The following PPP2R3C variants were observed in gnomAD, a reference collection of about 807,000 sequenced individuals.
PPP2R3C encodes serine/threonine-protein phosphatase 2A regulatory subunit B'' subunit gamma.
A neutral mutation model predicts 63.7 loss-of-function variants in PPP2R3C; 47 were observed. The observed-to-expected ratio is 0.74, with a 90% CI of 0.58 to 0.94. The LOEUF (loss-of-function observed/expected upper bound fraction) is 0.94, where lower values mean the gene tolerates loss of function less well. Among genes scored for constraint, PPP2R3C ranks in the 40% least tolerant of loss-of-function variants. The pLI, the probability that PPP2R3C is intolerant of heterozygous loss-of-function variation, is 0.00. For missense variants in PPP2R3C, 421 were observed against 518.4 expected (o/e 0.81, Z 1.82); for synonymous variants, 180 against 177.4 (o/e 1.01, Z -0.12).
intron 1 of PPP2R3C, among the ~76,000 whole-genome samples, chr14:35,119,837 T>A (rs1229434087): frequency 6.9e-6 from 1 of 144,934 alleles, no homozygotes; most frequent in Non-Finnish European, 1.5e-5. Flanking sequence ...AATAGGAGCA[T>A]GGACAGTTCA....
chr14:35,105,725 G>T (rs1278497353), intron 6 of PPP2R3C, among the ~76,000 whole-genome samples: 1 of 152,114 alleles, frequency 6.6e-6, no homozygotes, highest in East Asian at 1.9e-4. Flanking sequence ...GCTGGAAGGT[G>T]CTAGGCCCTT....
Position 35,096,649 on chromosome 14 carries a change from G to C in PPP2R3C, c.763-16C>G. 1.2e-6 allele frequency: 2 copies of C among 1,611,486 alleles called. No individual in the cohort carries two copies. Among genetic ancestry groups the C allele is most frequent in the Non-Finnish European group, 1.7e-6 (2 of 1,178,968 alleles). On this transcript the variant is annotated splice_polypyrimidine_tract_variant and intron_variant, in intron 8 of 12. Transcript: ENST00000261475. ...CATCCCTTAGCTAATGGAACACAAA[G>C]ACATAATTAGAAGATAGCAACTGTC...
chr14:35,110,981 G>GT (rs2046536701), intron 2 of PPP2R3C, among the ~76,000 whole-genome samples: 1 of 152,082 alleles, frequency 6.6e-6, no homozygotes, highest in African/African-American at 2.4e-5. Context: ...GCTCACACCC[G>GT]TAATCCCAGC....
intron 2 of PPP2R3C, among the ~76,000 whole-genome samples, chr14:35,113,764 T>C (rs2046630860): frequency 6.6e-6 from 1 of 152,186 alleles, no homozygotes; most frequent in Non-Finnish European, 1.5e-5. Flanking sequence ...CCTTGTTGCC[T>C]CTAGCCAGAC....
intron 3 of PPP2R3C, 99 bp from the exon 4 acceptor site, chr14:35,110,030 G>C: frequency 1.2e-6 from 1 of 837,744 alleles, no homozygotes; most frequent in Non-Finnish European, 1.8e-6. Context: ...AGAGTTTGTT[G>C]GCAGAGTCAA....
chr14:35,090,797 ACT>A (rs1444926762), intron 11 of PPP2R3C, among the ~76,000 whole-genome samples: 1 of 147,506 alleles, frequency 6.8e-6, no homozygotes, highest in African/African-American at 2.5e-5. Flanking sequence ...CTCACTGCAA[ACT>A]CTGCCTCCCG....
chr14:35,113,271 AG>A (rs2046617252), intron 2 of PPP2R3C: 2 of 152,532 alleles, frequency 1.3e-5, no homozygotes, highest in Admixed American at 1.3e-4. Flanking sequence ...TCAAGATAAT[AG>A]GTGTTTTCTC....
chr14:35,121,871 A>T, intron 1 of PPP2R3C, 31 bp downstream of exon 1: 1 of 1,612,704 alleles, frequency 6.2e-7, no homozygotes, highest in Non-Finnish European at 8.5e-7. Flanking sequence ...GGGCCGGGCC[A>T]TCCCAACGGG....
chr14:35,116,510 C>CT, intron 2 of PPP2R3C, 100 bp downstream of exon 2: 1 of 913,742 alleles, frequency 1.1e-6, no homozygotes, highest in Non-Finnish European at 1.5e-6. Flanking sequence ...CCGCCTCAGC[C>CT]TCCCAAAGTG....
chr14:35,096,836 T>G, intron 7 of PPP2R3C, 72 bp from the exon 8 acceptor site: 1 of 1,364,392 alleles, frequency 7.3e-7, no homozygotes, highest in Non-Finnish European at 9.8e-7. Flanking sequence ...AAAAAAAAAT[T>G]TTTTTAACAA....
chr14:35,099,619 A>G (rs187156212), intron 6 of PPP2R3C: 17 of 398,316 alleles, frequency 4.3e-5, no homozygotes. Context: ...GATATTGATT[A>G]AAAAGCCTCT....
intron 6 of PPP2R3C, chr14:35,101,642 T>C (rs894582524): frequency 6.6e-6 from 1 of 152,216 alleles, no homozygotes; most frequent in Non-Finnish European, 1.5e-5. Flanking sequence ...TCTTTGCTAA[T>C]TTGATAGGGG....
intron 9 of PPP2R3C, 58 bp from the exon 10 acceptor site, chr14:35,095,242 ATAGAC>A: frequency 1.9e-6 from 3 of 1,543,758 alleles, no homozygotes; most frequent in Non-Finnish European, 2.6e-6. Context: ...AATCAGAAGA[ATAGAC>A]TAACAAAAAG....
At chr14:35,121,183 C>T (rs6571695) in intron 1 of PPP2R3C, among the ~76,000 whole-genome samples, 1 of 151,994 alleles carries the variant, frequency 6.6e-6, no homozygotes, top group African/African-American at 2.4e-5. Flanking sequence ...TTGAGACCAG[C>T]CTGGCCAATA....
At position 35,085,647 on chromosome 14, in the gene PPP2R3C, G is replaced by C; in HGVS notation, c.1305C>G (p.Asn435Lys). The change falls in exon 13 of 13, where the codon AAC becomes AAG. Residue 435 changes from asparagine to lysine, a missense_variant. Coordinates refer to ENST00000261475, the MANE Select transcript of PPP2R3C (RefSeq NM_017917.4). Reference protein sequence around the residue: ...IDLNGFWTYENREALVANDSE... With the variant: ...IDLNGFWTYEKREALVANDSE... ...TGTCATTTGCAACAAGAGCCTCTCT[G>C]TTCTCGTAAGTCCAGAAGCCATTCA... The C allele has an allele frequency of 1.9e-6, 3 of 1,613,638 alleles. No individual in the cohort carries two copies. The highest frequency in any genetic ancestry group is 1.1e-5 in the South Asian group (1 of 90,972).
chr14:35,117,836 G>C (rs1346028881), intron 1 of PPP2R3C, among the ~76,000 whole-genome samples: 2 of 151,780 alleles, frequency 1.3e-5, no homozygotes, highest in African/African-American at 4.8e-5. Flanking sequence ...CTGGGATTAC[G>C]GGCATGTGCC....
chr14:35,122,175 T>C (rs1472595477), upstream of PPP2R3C: 4 of 567,846 alleles, frequency 7.0e-6, no homozygotes, highest in Admixed American at 1.2e-4. Flanking sequence ...GAAAAAACTA[T>C]GAAAGAGATG....
intron 7 of PPP2R3C, among the ~76,000 whole-genome samples, chr14:35,097,972 C>T (rs1349023375): frequency 6.6e-6 from 1 of 152,074 alleles, no homozygotes; most frequent in African/African-American, 2.4e-5. Context: ...AGTTGCCTTA[C>T]ACATAAAATG....
At chr14:35,121,881 G>T (rs758135532) in intron 1 of PPP2R3C, 21 bp downstream of exon 1, 6 of 1,613,804 alleles carry the variant, frequency 3.7e-6, no homozygotes, top group Admixed American at 1.7e-5. Context: ...ATCCCAACGG[G>T]CTGCCCCTCC....
Sources: gnomAD v4.1 joint callset for allele counts (sites outside exome capture counted in the v4.1 genomes callset) on GRCh38, gnomAD v4.1.1 for gene constraint, MANE v1.5 for transcripts, NCBI Gene and HGNC (gene_info 2026-07-23, HGNC 2026-07-21) for gene names.